Variants in GABBR2 observed in about 807,000 individuals in gnomAD.
The protein encoded by GABBR2 is G-protein coupled receptor 51.
In GABBR2, 23 loss-of-function variants were observed where a neutral mutation model predicts 105.6. That is an observed-to-expected ratio of 0.22 (90% CI 0.16 to 0.31). The LOEUF (loss-of-function observed/expected upper bound fraction) is 0.31. Among genes scored for constraint, GABBR2 ranks in the 10% least tolerant of loss-of-function variants. The pLI, the probability that GABBR2 is intolerant of heterozygous loss-of-function variation, is 1.00. For missense variants in GABBR2, 734 were observed against 1,245.5 expected, an observed-to-expected ratio of 0.59 and a Z score of 6.18; for synonymous variants, 478 against 499.7, an observed-to-expected ratio of 0.96 and a Z score of 0.58.
intron 14 of GABBR2, among the ~76,000 whole-genome samples, chr9:98,310,806 T>C (rs867187592): frequency 6.6e-6 from 1 of 151,704 alleles, no homozygotes; most frequent in African/African-American, 2.4e-5. Context: ...CAGCCACGAG[T>C]TTTTGGGTTA....
intron 1 of GABBR2, among the ~76,000 whole-genome samples, chr9:98,648,134 T>TAGATAGATAGAG (rs1830055985): frequency 7.4e-6 from 1 of 135,746 alleles, no homozygotes; most frequent in Non-Finnish European, 1.6e-5. Context: ...GATAGATAGA[T>TAGATAGATAGAG]AGATAGATAG....
rs201444177 is a variant in GABBR2 at position 98,371,435 on chromosome 9, A to G, written c.1770+29T>C. 93 of 1,140,802 alleles carry G rather than the reference A, an allele frequency of 8.2e-5. 1 individual carries two copies. In the East Asian group the frequency reaches 1.9e-3, roughly 24 times the overall value. 70.7% of individuals were successfully genotyped at this position (1,140,802 alleles called of 1,614,324 possible). ...GATAAATGCTGGGTGAACACTACTA[A>G]TACCCTGAAACAGAAGGAGAGTGAT... On this transcript the variant is annotated intron_variant, in intron 12 of 18. Transcript: ENST00000259455.
chr9:98,668,010 G>T (rs1830358547), intron 1 of GABBR2, among the ~76,000 whole-genome samples: 1 of 152,218 alleles, frequency 6.6e-6, no homozygotes, highest in East Asian at 1.9e-4. Context: ...GGAAAACAAA[G>T]GCCCAGTCCC....
At chr9:98,706,656 A>G (rs1388356696) in intron 1 of GABBR2, among the ~76,000 whole-genome samples, 2 of 152,196 alleles carry the variant, frequency 1.3e-5, no homozygotes, top group Admixed American at 6.5e-5. Flanking sequence ...TCTTTCAGGG[A>G]AGCTTTCTAA....
chr9:98,500,632 G>T (rs1827379542), intron 3 of GABBR2, among the ~76,000 whole-genome samples: 1 of 152,224 alleles, frequency 6.6e-6, no homozygotes, highest in Non-Finnish European at 1.5e-5. Flanking sequence ...AAGACATTCG[G>T]CATGGAGAGA....
intron 1 of GABBR2, among the ~76,000 whole-genome samples, chr9:98,680,137 A>AT (rs1342493223): frequency 1.3e-5 from 2 of 152,116 alleles, no homozygotes; most frequent in Non-Finnish European, 2.9e-5. Context: ...AACAACTACG[A>AT]TTTTCTTCCA....
intron 5 of GABBR2, among the ~76,000 whole-genome samples, chr9:98,479,342 C>T (rs1826862998): frequency 6.6e-6 from 1 of 152,172 alleles, no homozygotes; most frequent in Non-Finnish European, 1.5e-5. Context: ...GCTCAACAAT[C>T]TTATCAGACA....
intron 7 of GABBR2, among the ~76,000 whole-genome samples, chr9:98,408,287 G>A (rs1221919730): frequency 6.6e-6 from 1 of 152,144 alleles, no homozygotes; most frequent in Non-Finnish European, 1.5e-5. Context: ...CAAACAACAC[G>A]AGACACTGTG....
At chr9:98,367,992 G>C (rs1385332258) in intron 12 of GABBR2, among the ~76,000 whole-genome samples, 1 of 152,080 alleles carries the variant, frequency 6.6e-6, no homozygotes, top group Non-Finnish European at 1.5e-5. Context: ...GGAGAGTTCA[G>C]TGCCATTAAC....
chr9:98,677,532 C>A (rs1375676816), intron 1 of GABBR2, among the ~76,000 whole-genome samples: 2 of 152,006 alleles, frequency 1.3e-5, no homozygotes, highest in Non-Finnish European at 1.5e-5. Flanking sequence ...CCTGCTCTGC[C>A]AAAAAACTTT....
In GABBR2 at chr9:98,388,222, G is replaced by A. The variant is rs987549279; in HGVS notation, c.1529+632C>T. Reference sequence around the variant, plus strand: ...AATTAAGGGCACGTGGTGGGGAAAAGAAATTAAGACAAGAAACCAAGAAGA... The same window carrying A: ...AATTAAGGGCACGTGGTGGGGAAAAAAAATTAAGACAAGAAACCAAGAAGA... On this transcript the variant is annotated intron_variant, in intron 10 of 18. Coordinates refer to ENST00000259455, the MANE Select transcript of GABBR2 (RefSeq NM_005458.8). This position sits in a 1 kb window ranked among gnomAD's most constrained non-coding sequence, Gnocchi z 4.4. Among the ~76,000 whole-genome samples the A allele has an allele frequency of 6.6e-6, 1 of 152,230 alleles. No individual in the cohort carries two copies. Among genetic ancestry groups the A allele is most frequent in the Non-Finnish European group, 1.5e-5 (1 of 68,046 alleles).
rs1349555424 is a variant in GABBR2 at position 98,492,853 on chromosome 9, G to A, written c.732+3560C>T. Among the ~76,000 whole-genome samples, 3 of 152,308 alleles carry A rather than the reference G, an allele frequency of 2.0e-5. No homozygotes were observed. The South Asian group carries it at 6.2e-4, about 32-fold the overall frequency. The stretch of plus-strand genomic sequence containing the variant: ...TTCAATGTGACTTATCACTGCTGAT[G>A]TTGACCTTGATTGCCTCGCTAAGGG... On this transcript the variant is annotated intron_variant, in intron 4 of 18. Coordinates refer to ENST00000259455, the MANE Select transcript of GABBR2 (RefSeq NM_005458.8).
At chr9:98,398,650 C>A (rs974132671) in intron 8 of GABBR2, among the ~76,000 whole-genome samples, 2 of 152,098 alleles carry the variant, frequency 1.3e-5, no homozygotes, top group African/African-American at 4.8e-5. Flanking sequence ...ATCTGGCAAC[C>A]ATGGGCCTCA....
chr9:98,555,216 T>C (rs916685880), intron 2 of GABBR2, among the ~76,000 whole-genome samples: 25 of 152,342 alleles, frequency 1.6e-4, no homozygotes, highest in Admixed American at 1.3e-3. Flanking sequence ...AGCCCTTTCC[T>C]GCAATATTCC....
chr9:98,321,742 A>G (rs1830825522), intron 13 of GABBR2, among the ~76,000 whole-genome samples: 1 of 152,232 alleles, frequency 6.6e-6, no homozygotes, highest in Non-Finnish European at 1.5e-5. Context: ...ACAGCTGTCA[A>G]TTAAACCCGG....
chr9:98,402,629 A>G (rs1419351150), intron 8 of GABBR2, among the ~76,000 whole-genome samples: 1 of 152,168 alleles, frequency 6.6e-6, no homozygotes, highest in African/African-American at 2.4e-5. Flanking sequence ...GACAAGGTGC[A>G]TGAGTGAGCA....
intron 12 of GABBR2, among the ~76,000 whole-genome samples, chr9:98,366,265 A>G (rs1831674369): frequency 6.6e-6 from 1 of 152,224 alleles, no homozygotes; most frequent in South Asian, 2.1e-4. Flanking sequence ...AGCAGGGATT[A>G]GCAAACTACT....
intron 7 of GABBR2, among the ~76,000 whole-genome samples, chr9:98,433,822 G>A (rs1222441017): frequency 6.6e-6 from 1 of 152,144 alleles, no homozygotes; most frequent in East Asian, 1.9e-4. Flanking sequence ...AAGACAATGT[G>A]GTCCTGATCT....
intron 2 of GABBR2, among the ~76,000 whole-genome samples, chr9:98,577,267 CT>C (rs1828933196): frequency 7.8e-5 from 2 of 25,588 alleles, no homozygotes; most frequent in African/African-American, 3.3e-4. Flanking sequence ...CCACTCACCC[CT>C]GGTGGTCATA....
Sources: allele counts gnomAD v4.1 joint callset (sites outside exome capture counted in the v4.1 genomes callset), GRCh38; gene constraint gnomAD v4.1.1; non-coding constraint Gnocchi (gnomAD v3.1); transcripts MANE v1.5; gene names NCBI Gene and HGNC (gene_info 2026-07-23, HGNC 2026-07-21).